The following SOX6 variants were observed in gnomAD, a reference collection of about 807,000 sequenced individuals.
SOX6 encodes the protein SRY-box transcription factor 6, also known as transcription factor SOX-6.
In SOX6, 11 loss-of-function variants were observed where a neutral mutation model predicts 97.8. The ratio of observed to expected loss-of-function variants is 0.11; its 90% confidence interval spans 0.07 to 0.19. SOX6 has a LOEUF of 0.19. Among genes scored for constraint, SOX6 ranks in the 10% least tolerant of loss-of-function variants. SOX6 has a pLI of 1.00. For synonymous variants in SOX6, 360 were observed against 371.4 expected (o/e 0.97, Z 0.35); for missense variants, 810 against 1,039.5 (o/e 0.78, Z 3.04).
At chr11:16,381,165 A>G (rs1857805496) in intron 1 of SOX6, among the ~76,000 whole-genome samples, 1 of 152,048 alleles carries the variant, frequency 6.6e-6, no homozygotes, top group Non-Finnish European at 1.5e-5. Flanking sequence ...TGAGACAAAA[A>G]GAATTTTAGA....
At chr11:16,353,136 T>C (rs1015876262) in intron 1 of SOX6, among the ~76,000 whole-genome samples, 3 of 151,976 alleles carry the variant, frequency 2.0e-5, no homozygotes, top group Non-Finnish European at 4.4e-5. Flanking sequence ...CCCAGAGAAA[T>C]ATGAGATCCA....
intron 9 of SOX6, among the ~76,000 whole-genome samples, chr11:16,069,885 G>A (rs545666320): frequency 1.3e-5 from 2 of 152,146 alleles, no homozygotes; most frequent in Admixed American, 6.5e-5. Context: ...GGCTGGGCAC[G>A]GTGGCTCACG....
Position 16,078,453 on chromosome 11 carries a change from T to C in SOX6, c.1101+17543A>G, listed in dbSNP as rs567602316. Among the ~76,000 whole-genome samples, 3 of 152,306 alleles carry C rather than the reference T, an allele frequency of 2.0e-5. No individual in the cohort carries two copies. In the East Asian group the frequency reaches 5.8e-4, roughly 29 times the overall value. On this transcript the variant is annotated intron_variant, in intron 9 of 15. Coordinates refer to ENST00000683767, the MANE Select transcript of SOX6 (RefSeq NM_001367873.1). ...TTAGTACATGTGCTGAGTCCAATCA[T>C]GTATTTTTAGTAAATGAATATATGT... is the stretch of plus-strand genomic sequence containing the variant.
intron 1 of SOX6, among the ~76,000 whole-genome samples, chr11:16,415,159 T>C (rs1387684776): frequency 6.6e-6 from 1 of 152,152 alleles, no homozygotes; most frequent in East Asian, 1.9e-4. Context: ...TTTGAATGTT[T>C]GACAGCCTAG....
chr11:16,420,764 ACT>A, intron 1 of SOX6, among the ~76,000 whole-genome samples: 1 of 152,250 alleles, frequency 6.6e-6, no homozygotes, highest in Middle Eastern at 3.4e-3. Context: ...TTAAGATGTA[ACT>A]CATCCTTTGG....
At chr11:16,395,520 T>C (rs894163649) in intron 1 of SOX6, among the ~76,000 whole-genome samples, 1 of 151,752 alleles carries the variant, frequency 6.6e-6, no homozygotes, top group South Asian at 2.1e-4. Flanking sequence ...AAACTGTCAC[T>C]AGACCAGTAC....
chr11:16,188,855 G>T (rs1181955739), intron 4 of SOX6, among the ~76,000 whole-genome samples: 3 of 152,062 alleles, frequency 2.0e-5, no homozygotes, highest in Non-Finnish European at 4.4e-5. Context: ...CTTAGGTCAG[G>T]AGTTCAAGAC....
chr11:16,335,785 A>G (rs917364184), intron 2 of SOX6, among the ~76,000 whole-genome samples: 1 of 152,146 alleles, frequency 6.6e-6, no homozygotes, highest in Non-Finnish European at 1.5e-5. Flanking sequence ...AAAACACAAA[A>G]CACTCCAGAG....
chr11:16,494,784 G>A (rs1175626993), intron 4 of SOX6, among the ~76,000 whole-genome samples: 1 of 152,130 alleles, frequency 6.6e-6, no homozygotes, highest in Non-Finnish European at 1.5e-5. Context: ...ACCCTCAGTG[G>A]TTCATATTCC....
chr11:16,053,515 A>G (rs529061899), intron 10 of SOX6, among the ~76,000 whole-genome samples: 14 of 152,172 alleles, frequency 9.2e-5, no homozygotes, highest in African/African-American at 2.9e-4. Flanking sequence ...CTATAATACT[A>G]GAGGGTGTAT....
At chr11:16,426,441 A>G (rs1859134410) in intron 1 of SOX6, among the ~76,000 whole-genome samples, 1 of 152,036 alleles carries the variant, frequency 6.6e-6, no homozygotes. Flanking sequence ...ACAGCATGGT[A>G]CTGGCACAAA....
At chr11:16,299,669 AT>A (rs1239706165) in intron 3 of SOX6, among the ~76,000 whole-genome samples, 7 of 152,200 alleles carry the variant, frequency 4.6e-5, no homozygotes, top group African/African-American at 1.4e-4. Flanking sequence ...TATTGCTAAT[AT>A]ATTAGACTAA....
At chr11:16,351,778 G>T (rs770330120) in intron 1 of SOX6, among the ~76,000 whole-genome samples, 4 of 152,012 alleles carry the variant, frequency 2.6e-5, no homozygotes, top group Admixed American at 6.6e-5. Flanking sequence ...TAAGATCTGT[G>T]AGAAATTACT....
At chr11:16,205,430 C>A (rs558970573) in intron 4 of SOX6, among the ~76,000 whole-genome samples, 1 of 152,076 alleles carries the variant, frequency 6.6e-6, no homozygotes, top group East Asian at 1.9e-4. Flanking sequence ...AAGGGATTCC[C>A]CAGATCCTAA....
chr11:16,281,455 A>G (rs765890394), intron 3 of SOX6, among the ~76,000 whole-genome samples: 55 of 152,198 alleles, frequency 3.6e-4, no homozygotes, highest in East Asian at 3.9e-4. Context: ...ACACATAAAT[A>G]TTTATATCCA....
intron 1 of SOX6, among the ~76,000 whole-genome samples, chr11:16,454,361 T>A (rs1197097797): frequency 6.6e-6 from 1 of 152,028 alleles, no homozygotes; most frequent in African/African-American, 2.4e-5. Flanking sequence ...TCTTCCAAAA[T>A]AAAGCCATCC....
chr11:16,030,890 A>T (rs1855354718), intron 12 of SOX6, among the ~76,000 whole-genome samples: 1 of 152,168 alleles, frequency 6.6e-6, no homozygotes, highest in African/African-American at 2.4e-5. Flanking sequence ...CTTTGAGTCT[A>T]CCTCATTCCA....
At chr11:16,506,340 C>CA (rs1260356389) in intron 4 of SOX6, among the ~76,000 whole-genome samples, 3 of 152,146 alleles carry the variant, frequency 2.0e-5, no homozygotes, top group Non-Finnish European at 4.4e-5. Context: ...TTCAGACTTG[C>CA]ATGGGGCCCT....
intron 6 of SOX6, among the ~76,000 whole-genome samples, chr11:16,163,447 T>C (rs1850806113): frequency 6.6e-6 from 1 of 152,164 alleles, no homozygotes; most frequent in Non-Finnish European, 1.5e-5. Context: ...GTGGAAAGGA[T>C]TGCAACTACT....
Sources: gnomAD v4.1 joint callset for allele counts (sites outside exome capture counted in the v4.1 genomes callset) on GRCh38, gnomAD v4.1.1 for gene constraint, MANE v1.5 for transcripts, NCBI Gene and HGNC (gene_info 2026-07-23, HGNC 2026-07-21) for gene names.